CRAMP1: variants seen among roughly 807,000 people sequenced by gnomAD.
CRAMP1 encodes the protein protein cramped-like.
A neutral mutation model predicts 115.4 loss-of-function variants in CRAMP1; 50 were observed. The observed-to-expected ratio is 0.43, with a 90% CI of 0.35 to 0.55. CRAMP1 has a LOEUF of 0.55. Among genes scored for constraint, CRAMP1 ranks in the 20% least tolerant of loss-of-function variants. CRAMP1 has a pLI of 0.01. For missense variants in CRAMP1, 1,679 were observed against 1,721.7 expected, an observed-to-expected ratio of 0.98 and a Z score of 0.44; for synonymous variants, 866 against 745.4, an observed-to-expected ratio of 1.16 and a Z score of -2.64.
chr16:1,642,791 C>A (rs1269055237), intron 6 of CRAMP1, among the ~76,000 whole-genome samples: 1 of 152,240 alleles, frequency 6.6e-6, no homozygotes, highest in Non-Finnish European at 1.5e-5. Context: ...TATTTCATTT[C>A]CTCCATGATT....
chr16:1,668,866 G>A (rs145812532), intron 18 of CRAMP1, 135 bp from the exon 19 acceptor site: 131 of 807,324 alleles, frequency 1.6e-4, no homozygotes, highest in Admixed American at 4.0e-4. Flanking sequence ...CTTACCTGCC[G>A]AGCCATGCCA....
chr16:1,645,578 G>C (rs1485903615), intron 6 of CRAMP1, among the ~76,000 whole-genome samples: 2 of 152,124 alleles, frequency 1.3e-5, no homozygotes, highest in Non-Finnish European at 2.9e-5. Flanking sequence ...ACTCAGCGTT[G>C]TGCCTTCTGT....
rs1489852033 is a variant in CRAMP1 at position 1,612,382 on chromosome 16, G to T, written c.-277G>T. 6.6e-6 allele frequency: 1 copy of T among 151,758 alleles called. No individual in the cohort carries two copies. Among genetic ancestry groups the T allele is most frequent in the African/African-American group, 2.4e-5 (1 of 41,358 alleles). 9.4% of individuals were successfully genotyped at this position (151,758 alleles called of 1,614,324 possible). The stretch of plus-strand genomic sequence containing the variant: ...CGTGAGGTCCCCACCGGCCGCCGTA[G>T]CCGGAACTGCTGCTGAGGGCGGCGG... On this transcript the variant is annotated 5_prime_UTR_variant, in exon 1 of 21. Transcript: ENST00000397412.
At chr16:1,647,116 A>C in intron 6 of CRAMP1, 1 of 701,820 alleles carries the variant, frequency 1.4e-6, no homozygotes, top group Non-Finnish European at 2.6e-6. Flanking sequence ...TTTCAGCCCA[A>C]AAGCGATTGG....
At position 1,660,941 on chromosome 16, in the gene CRAMP1, G is replaced by A. The variant is rs141155738; in HGVS notation, c.2413+878G>A. The stretch of plus-strand genomic sequence containing the variant: ...GGAGAATCACTTGAACCCGGAAGGC[G>A]GAGGTTGCAATAAGCCAAGATCGCG... On this transcript the variant is annotated intron_variant, in intron 11 of 20. Coordinates refer to ENST00000397412, the MANE Select transcript of CRAMP1 (RefSeq NM_020825.4). Among the ~76,000 whole-genome samples, 9 of 152,246 alleles carry A rather than the reference G, an allele frequency of 5.9e-5. No homozygotes were observed. The East Asian group carries it at 1.7e-3, about 29-fold the overall frequency.
Position 1,620,351 on chromosome 16 carries a change from C to T in CRAMP1, c.346+5366C>T, listed in dbSNP as rs554019047. 7.9e-5 allele frequency among the ~76,000 whole-genome samples: 12 copies of T among 152,306 alleles called. No homozygotes were observed. The South Asian group carries it at 1.9e-3, about 24-fold the overall frequency. On this transcript the variant is annotated intron_variant, in intron 2 of 20. Transcript: ENST00000397412. ...GTTTCCCGGTGCTGGGGTTGGGGCA[C>T]GGTCAAGTCTGGAGATGCCCTTCCA...
At chr16:1,637,113 T>G (rs1017765560) in intron 4 of CRAMP1, among the ~76,000 whole-genome samples, 1 of 152,052 alleles carries the variant, frequency 6.6e-6, no homozygotes, top group Non-Finnish European at 1.5e-5. Context: ...GCCCACATGG[T>G]GAAACCCTGT....
At chr16:1,663,832 T>C (rs752261581) in intron 13 of CRAMP1, among the ~76,000 whole-genome samples, 8 of 151,936 alleles carry the variant, frequency 5.3e-5, no homozygotes, top group Admixed American at 4.6e-4. Context: ...ATTTGTGTTC[T>C]TTTCCACATA....
intron 6 of CRAMP1, among the ~76,000 whole-genome samples, chr16:1,648,943 C>T (rs932332823): frequency 6.6e-6 from 1 of 152,030 alleles, no homozygotes; most frequent in Non-Finnish European, 1.5e-5. Context: ...CCTGTAGTCC[C>T]AGCTACTTGG....
chr16:1,633,798 G>A (rs1206686866), intron 4 of CRAMP1, among the ~76,000 whole-genome samples: 1 of 152,152 alleles, frequency 6.6e-6, no homozygotes, highest in Non-Finnish European at 1.5e-5. Flanking sequence ...CAGGCTGCGC[G>A]CGGTGGCTCA....
chr16:1,647,961 G>A (rs185987350), intron 6 of CRAMP1, among the ~76,000 whole-genome samples: 5 of 152,184 alleles, frequency 3.3e-5, no homozygotes, highest in East Asian at 3.9e-4. Context: ...AGGCCTAAGC[G>A]TCACCCTGGC....
At chr16:1,649,833 G>T (rs1437012575) in intron 6 of CRAMP1, among the ~76,000 whole-genome samples, 3 of 114,206 alleles carry the variant, frequency 2.6e-5, no homozygotes, top group African/African-American at 1.0e-4. Flanking sequence ...CACTCTTGTT[G>T]CCCAGGCTGG....
chr16:1,620,679 C>T (rs1044089893), intron 2 of CRAMP1: 17 of 456,692 alleles, frequency 3.7e-5, no homozygotes, highest in Non-Finnish European at 6.2e-5. Flanking sequence ...GTCTATTAGC[C>T]GCGTGCCTTT....
At chr16:1,631,407 G>T (rs1213057289) in intron 3 of CRAMP1, among the ~76,000 whole-genome samples, 1 of 152,206 alleles carries the variant, frequency 6.6e-6, no homozygotes, top group Non-Finnish European at 1.5e-5. Flanking sequence ...GTGCCGTCAG[G>T]CATTCCAGAC....
intron 18 of CRAMP1, among the ~76,000 whole-genome samples, chr16:1,668,426 A>G (rs2036894693): frequency 6.6e-6 from 1 of 152,232 alleles, no homozygotes; most frequent in Admixed American, 6.5e-5. Context: ...CAGGCGAGAC[A>G]GTGGAATGGC....
At chr16:1,664,943 A>G (rs1196453644) in intron 13 of CRAMP1, 114 bp from the exon 14 acceptor site, 6 of 733,658 alleles carry the variant, frequency 8.2e-6, no homozygotes, top group Non-Finnish European at 1.5e-5. Context: ...CTCTGGAAAA[A>G]GCCCCACCTG....
At position 1,657,007 on chromosome 16, in the gene CRAMP1, G is replaced by T; in HGVS notation, c.2235+15G>T. ...ACCCCAAGCTGGTGAGTGGGTTGGA[G>T]CCCAGCCCCTCTGGCGGCCCAAGGG... is the stretch of plus-strand genomic sequence containing the variant. On this transcript the variant is annotated intron_variant, in intron 10 of 20. Transcript: ENST00000397412. 1.3e-6 allele frequency: 2 copies of T among 1,491,998 alleles called. No homozygotes were observed. Among genetic ancestry groups the T allele is most frequent in the East Asian group, 4.8e-5 (2 of 41,766 alleles). The allele number at this position is 1,491,998 out of a possible 1,614,324, so 92.4% of individuals were successfully genotyped here.
intron 7 of CRAMP1, 58 bp downstream of exon 7, chr16:1,652,639 G>C: frequency 6.9e-7 from 1 of 1,439,248 alleles, no homozygotes; most frequent in South Asian, 1.2e-5. Flanking sequence ...CCCATTCAAT[G>C]ATGGGCAGGC....
At position 1,614,577 on chromosome 16, in the gene CRAMP1, G is replaced by A; in HGVS notation, c.-1-62G>A. ...CGGCGGCCATGTTGAGAGCGCGTCG[G>A]GGCCGCTAAACTTCCCGGCCTGCGC... On this transcript the variant is annotated intron_variant, in intron 1 of 20. Coordinates refer to ENST00000397412, the MANE Select transcript of CRAMP1 (RefSeq NM_020825.4). This position sits in a 1 kb window ranked among gnomAD's most constrained non-coding sequence, Gnocchi z 4.4. 1.9e-6 allele frequency: 2 copies of A among 1,044,012 alleles called. No homozygotes were observed. The highest frequency in any genetic ancestry group is 2.4e-6 in the Non-Finnish European group (2 of 821,452). The allele number at this position is 1,044,012 out of a possible 1,614,324, so 64.7% of individuals were successfully genotyped here. A position where few individuals can be genotyped will look rare whatever the true frequency, so the allele number is the denominator to read the frequency against.
Sources: gnomAD v4.1 joint callset for allele counts (sites outside exome capture counted in the v4.1 genomes callset) on GRCh38, gnomAD v4.1.1 for gene constraint, Gnocchi (gnomAD v3.1) non-coding constraint, MANE v1.5 for transcripts, NCBI Gene and HGNC (gene_info 2026-07-23, HGNC 2026-07-21) for gene names.